The following JAK2 variants were observed in gnomAD, a reference collection of about 807,000 sequenced individuals.
JAK2 encodes Janus kinase 2.
JAK2 carries 86 observed loss-of-function variants against 139.3 expected under a neutral mutation model. The ratio of observed to expected loss-of-function variants is 0.62; its 90% CI spans 0.52 to 0.74. JAK2 has a LOEUF of 0.74. Ranked by LOEUF, JAK2 falls within the 30% of genes least tolerant of loss-of-function variation. JAK2 has a pLI of 0.00. For missense variants in JAK2, 1,421 were observed against 1,360.3 expected (o/e 1.04, Z -0.70); for synonymous variants, 490 against 437.7 (o/e 1.12, Z -1.49).
At chr9:5,106,617 A>T (rs536092459) in intron 22 of JAK2, among the ~76,000 whole-genome samples, 1 of 152,206 alleles carries the variant, frequency 6.6e-6, no homozygotes, top group Admixed American at 6.5e-5. Context: ...TTACTGTGGC[A>T]CTATTCACAA....
intron 2 of JAK2, among the ~76,000 whole-genome samples, chr9:5,002,920 T>G (rs1336024056): frequency 2.0e-5 from 3 of 152,004 alleles, no homozygotes; most frequent in African/African-American, 7.2e-5. Context: ...CCGTATGAAG[T>G]AGATAGAAGT....
At chr9:5,075,606 G>T (rs1819257752) in intron 14 of JAK2, among the ~76,000 whole-genome samples, 1 of 152,100 alleles carries the variant, frequency 6.6e-6, no homozygotes, top group African/African-American at 2.4e-5. Flanking sequence ...GTTGAGACCT[G>T]CTCAGAAAAA....
intron 4 of JAK2, among the ~76,000 whole-genome samples, chr9:5,032,514 A>C (rs1210014310): frequency 6.6e-6 from 1 of 152,318 alleles, no homozygotes; most frequent in African/African-American, 2.4e-5. Flanking sequence ...GGAGACTGAC[A>C]CCTCACATGG....
At chr9:5,061,586 G>A (rs560230112) in intron 8 of JAK2, among the ~76,000 whole-genome samples, 10 of 152,252 alleles carry the variant, frequency 6.6e-5, no homozygotes, top group East Asian at 1.9e-4. Context: ...GAGCATTAGG[G>A]TCTTGCTCTA....
At chr9:5,048,003 T>A (rs1817137069) in intron 5 of JAK2, among the ~76,000 whole-genome samples, 1 of 152,224 alleles carries the variant, frequency 6.6e-6, no homozygotes, top group South Asian at 2.1e-4. Flanking sequence ...GACTCTTCCA[T>A]TTGTAACTTT....
chr9:5,003,563 G>A (rs1182736026), intron 2 of JAK2, among the ~76,000 whole-genome samples: 1 of 151,802 alleles, frequency 6.6e-6, no homozygotes, highest in Non-Finnish European at 1.5e-5. Context: ...TTATATATTG[G>A]TCTTGCATCT....
At chr9:5,028,920 T>C (rs898588641) in intron 3 of JAK2, among the ~76,000 whole-genome samples, 1 of 152,230 alleles carries the variant, frequency 6.6e-6, no homozygotes, top group South Asian at 2.1e-4. Context: ...TGTCACATCA[T>C]CAATAAGGCT....
In JAK2 at chr9:5,022,045, T is replaced by G. The variant is rs906594522; in HGVS notation, c.58T>G (p.Tyr20Asp). The G allele has an allele frequency of 6.2e-7, 1 of 1,614,162 alleles. No homozygotes were observed. The highest frequency in any genetic ancestry group is 2.2e-5 in the East Asian group (1 of 44,886). ...GGAGGGAACATCCACCTCTTCTATATATCAGAATGGTGATATTTCTGGAAA... is the reference window on the plus strand; with the variant it reads ...GGAGGGAACATCCACCTCTTCTATAGATCAGAATGGTGATATTTCTGGAAA... ...EMEGTSTSSI[Y>D]QNGDISGNAN... Residue 20 changes from tyrosine (Y) to aspartate (D), a missense_variant, in exon 3 of 25, where the codon TAT becomes GAT. Physicochemically the swap from Tyr to Asp is radical, Grantham distance 160. Transcript: ENST00000381652.
At chr9:5,118,606 A>G (rs191661708) in intron 22 of JAK2, among the ~76,000 whole-genome samples, 3 of 152,330 alleles carry the variant, frequency 2.0e-5, no homozygotes, top group Admixed American at 6.5e-5. Flanking sequence ...ATTTATTTCT[A>G]TAATGGGACA....
intron 2 of JAK2, among the ~76,000 whole-genome samples, chr9:5,013,649 C>T (rs1216159142): frequency 6.6e-6 from 1 of 152,104 alleles, no homozygotes; most frequent in East Asian, 1.9e-4. Flanking sequence ...TTTTTCATTA[C>T]TTGTCAAAAT....
At chr9:5,042,929 A>G (rs1339163975) in intron 4 of JAK2, among the ~76,000 whole-genome samples, 3 of 152,176 alleles carry the variant, frequency 2.0e-5, no homozygotes, top group African/African-American at 4.8e-5. Context: ...CCCTGCTAGG[A>G]GGGTGCTTCT....
intron 22 of JAK2, among the ~76,000 whole-genome samples, chr9:5,120,384 GA>G (rs1169022829): frequency 2.0e-5 from 3 of 152,182 alleles, no homozygotes; most frequent in African/African-American, 7.2e-5. Flanking sequence ...AAGTCTGAAA[GA>G]ACTCAATTTT....
chr9:5,015,126 A>T (rs553472476), intron 2 of JAK2, among the ~76,000 whole-genome samples: 6 of 152,216 alleles, frequency 3.9e-5, no homozygotes, highest in Non-Finnish European at 7.3e-5. Context: ...TATTTTAACA[A>T]CTGAGGAACA....
intron 22 of JAK2, chr9:5,111,197 C>T (rs1211247979): frequency 1.5e-5 from 10 of 654,360 alleles, no homozygotes; most frequent in African/African-American, 7.4e-5. Flanking sequence ...TTCCTGGGAC[C>T]GGGACTCGGA....
chr9:5,086,126 G>A (rs1482714371), intron 19 of JAK2: 2 of 377,200 alleles, frequency 5.3e-6, no homozygotes, highest in Non-Finnish European at 9.6e-6. Context: ...GCAGCGGCGC[G>A]CGGCCCCGGC....
rs145273013 is a variant in JAK2, at chr9:5,080,293, G to A, written c.2196G>A (p.Leu732=). ...ECIENPKNLN[L]ATDKWSFGTT... is the part of the protein sequence containing the mutation. Reference sequence around the variant, plus strand: ...TTGAAAATCCTAAAAATTTAAATTTGGCAACAGACAAATGGAGTTTTGGTA... The same window carrying A: ...TTGAAAATCCTAAAAATTTAAATTTAGCAACAGACAAATGGAGTTTTGGTA... Residue 732 remains leucine, a synonymous_variant, in exon 17 of 25, where the codon TTG becomes TTA. Coordinates refer to ENST00000381652, the MANE Select transcript of JAK2 (RefSeq NM_004972.4). 6.8e-5 allele frequency: 109 copies of A among 1,613,414 alleles called. No individual in the cohort carries two copies. Among genetic ancestry groups the A allele is most frequent in the Non-Finnish European group, 8.7e-5 (103 of 1,179,602 alleles).
intron 3 of JAK2, among the ~76,000 whole-genome samples, chr9:5,027,681 C>G (rs142514397): frequency 3.6e-4 from 55 of 152,346 alleles, no homozygotes; most frequent in African/African-American, 1.3e-3. Flanking sequence ...AACCCTGCCA[C>G]TGCTTTGATT....
chr9:5,036,928 C>G (rs1000982445), intron 4 of JAK2, among the ~76,000 whole-genome samples: 3 of 152,180 alleles, frequency 2.0e-5, no homozygotes, highest in African/African-American at 7.2e-5. Flanking sequence ...AACAGGCAAC[C>G]TACAGAATGG....
rs949785584 is a variant in JAK2, at chr9:5,126,960, T to C, written c.*169T>C. 2 of 393,512 alleles carry C rather than the reference T, an allele frequency of 5.1e-6. No homozygotes were observed. The highest frequency in any genetic ancestry group is 9.0e-6 in the Non-Finnish European group (2 of 221,366). The allele number at this position is 393,512 out of a possible 1,614,324, so 24.4% of individuals were successfully genotyped here. On this transcript the variant is annotated 3_prime_UTR_variant, in exon 25 of 25. Coordinates refer to ENST00000381652, the MANE Select transcript of JAK2 (RefSeq NM_004972.4). ...ACTTTCAAAGTTTAGTAAGTTTTTC[T>C]TCATGAGGCCACCAGTAAAAGACAT...
Sources: allele counts gnomAD v4.1 joint callset (sites outside exome capture counted in the v4.1 genomes callset), GRCh38; gene constraint gnomAD v4.1.1; transcripts MANE v1.5; gene names NCBI Gene and HGNC (gene_info 2026-07-23, HGNC 2026-07-21).